Variants in HIVEP2 observed in about 807,000 individuals in gnomAD.
HIVEP2 encodes the protein transcription factor HIVEP2.
In HIVEP2, 14 loss-of-function variants were observed where a neutral mutation model predicts 180.7. That is an observed-to-expected ratio of 0.08 (90% CI 0.05 to 0.12). The LOEUF (loss-of-function observed/expected upper bound fraction) is 0.12, where lower values mean the gene tolerates loss of function less well. Ranked by LOEUF, HIVEP2 falls within the 10% of genes least tolerant of loss-of-function variation. HIVEP2 has a pLI of 1.00. For missense variants in HIVEP2, 2,579 were observed against 3,008.5 expected (o/e 0.86, Z 3.34); for synonymous variants, 1,184 against 1,136.4 (o/e 1.04, Z -0.84).
chr6:142,913,449 T>A (rs957100842), intron 1 of HIVEP2, among the ~76,000 whole-genome samples: 13 of 151,938 alleles, frequency 8.6e-5, no homozygotes, highest in African/African-American at 3.1e-4. Flanking sequence ...GATTGAAGAG[T>A]TATCACACTG....
chr6:142,872,901 T>G (rs1776329069), intron 1 of HIVEP2, among the ~76,000 whole-genome samples: 1 of 152,206 alleles, frequency 6.6e-6, no homozygotes. Flanking sequence ...CCTTTTTGAC[T>G]GATTTGACTA....
At chr6:142,829,195 T>C (rs1031658779) in intron 2 of HIVEP2, among the ~76,000 whole-genome samples, 2 of 152,212 alleles carry the variant, frequency 1.3e-5, no homozygotes, top group African/African-American at 4.8e-5. Context: ...GATGTGCTAA[T>C]TACATTCCAG....
rs536456943 is a variant in HIVEP2, at chr6:142,912,678, C to T, written c.-641+32421G>A. ...TTAGATTCTCATAGGAGCGTGAAACCGACTGTGAACCGCGCATGCGAGGGA... is the reference window on the plus strand; with the variant it reads ...TTAGATTCTCATAGGAGCGTGAAACTGACTGTGAACCGCGCATGCGAGGGA... On this transcript the variant is annotated intron_variant, in intron 1 of 9. Transcript: ENST00000367603. 6.6e-5 allele frequency among the ~76,000 whole-genome samples: 10 copies of T among 152,340 alleles called. No homozygotes were observed. In the South Asian group the frequency reaches 1.5e-3, roughly 22 times the overall value.
intron 1 of HIVEP2, among the ~76,000 whole-genome samples, chr6:142,863,171 G>T (rs187252773): frequency 1.3e-5 from 2 of 148,540 alleles, no homozygotes; most frequent in African/African-American, 4.9e-5. Context: ...GCAAGAACAG[G>T]TTCTGTTGCA....
chr6:142,762,454 A>G (rs994796412), intron 7 of HIVEP2, among the ~76,000 whole-genome samples: 1 of 21,094 alleles, frequency 4.7e-5, no homozygotes, highest in Non-Finnish European at 7.7e-5. Flanking sequence ...AGAAGAATGC[A>G]CACACACACA....
intron 2 of HIVEP2, among the ~76,000 whole-genome samples, chr6:142,804,157 C>T (rs560018056): frequency 6.6e-6 from 1 of 152,166 alleles, no homozygotes; most frequent in Non-Finnish European, 1.5e-5. Context: ...AATTTTCTCA[C>T]AGCTTAAACA....
rs139650875 is a variant in HIVEP2 at position 142,849,778 on chromosome 6, C to A, written c.-640-12731G>T. ...AAGTGATCTGATTGCCTTGGCCTCC[C>A]TAAGTGCTGGGACTACAGGTATGAG... On this transcript the variant is annotated intron_variant, in intron 1 of 9. Coordinates refer to ENST00000367603, the MANE Select transcript of HIVEP2 (RefSeq NM_006734.4). 2.0e-4 allele frequency among the ~76,000 whole-genome samples: 31 copies of A among 152,188 alleles called. 1 individual carries two copies. In the East Asian group the frequency reaches 6.0e-3, roughly 29 times the overall value.
intron 1 of HIVEP2, among the ~76,000 whole-genome samples, chr6:142,923,422 G>A (rs1215231721): frequency 6.6e-6 from 1 of 152,080 alleles, no homozygotes; most frequent in Admixed American, 6.5e-5. Context: ...AAATAAGATA[G>A]TTAATGCTAC....
At chr6:142,795,386 T>G (rs1582866955) in intron 2 of HIVEP2, among the ~76,000 whole-genome samples, 1 of 152,140 alleles carries the variant, frequency 6.6e-6, no homozygotes, top group East Asian at 1.9e-4. Flanking sequence ...TCAAGAATTC[T>G]TCATTAGCAC....
chr6:142,805,569 GAA>G (rs67351587), intron 2 of HIVEP2, among the ~76,000 whole-genome samples: 7,719 of 147,094 alleles, frequency 0.052, 276 homozygotes, highest in Middle Eastern at 0.11. Flanking sequence ...GAGTTTTACA[GAA>G]AAAAAAAAAA....
At chr6:142,891,749 A>C (rs1776866225) in intron 1 of HIVEP2, among the ~76,000 whole-genome samples, 1 of 152,226 alleles carries the variant, frequency 6.6e-6, no homozygotes, top group African/African-American at 2.4e-5. Flanking sequence ...CTTATTCTGC[A>C]ATTCAGCTAA....
chr6:142,794,891 G>T (rs958939450), intron 2 of HIVEP2, among the ~76,000 whole-genome samples: 1 of 152,172 alleles, frequency 6.6e-6, no homozygotes, highest in Non-Finnish European at 1.5e-5. Flanking sequence ...TTAAGGTAAA[G>T]CTTCAACTAT....
At chr6:142,896,061 A>C (rs1263601086) in intron 1 of HIVEP2, among the ~76,000 whole-genome samples, 3 of 152,182 alleles carry the variant, frequency 2.0e-5, no homozygotes, top group Non-Finnish European at 4.4e-5. Flanking sequence ...AGATAAGCTA[A>C]AACTTAGAAT....
chr6:142,794,471 T>C (rs1052205792), intron 2 of HIVEP2, among the ~76,000 whole-genome samples: 2 of 152,186 alleles, frequency 1.3e-5, no homozygotes, highest in Non-Finnish European at 2.9e-5. Flanking sequence ...CCTTCAACTG[T>C]ATTGATTCCA....
rs1226170582 is a variant in HIVEP2 at position 142,752,864 on chromosome 6, G to T, written c.*243C>A. 2 of 419,506 alleles carry T rather than the reference G, an allele frequency of 4.8e-6. No individual in the cohort carries two copies. Among genetic ancestry groups the T allele is most frequent in the East Asian group, 3.7e-5 (1 of 26,756 alleles). 26.0% of individuals were successfully genotyped at this position (419,506 alleles called of 1,614,324 possible). Reference sequence around the variant, plus strand: ...AGAATATAAGCAAAGTAAAGAAAAGGCACAAACATCTGTACAATTTTAAAA... The same window carrying T: ...AGAATATAAGCAAAGTAAAGAAAAGTCACAAACATCTGTACAATTTTAAAA... On this transcript the variant is annotated 3_prime_UTR_variant, in exon 10 of 10. Transcript: ENST00000367603.
At position 142,774,378 on chromosome 6, in the gene HIVEP2, C is replaced by T; in HGVS notation, c.361G>A (p.Gly121Ser). ...HSTKPHQSLEGPPWLFPGPLP... is the reference protein window; with the variant it reads ...HSTKPHQSLESPPWLFPGPLP... ...GGGCCAGGGAAAAGCCACGGAGGAC[C>T]TTCGAGGCTCTGATGTGGCTTGGTG... Residue 121 changes from glycine (G) to serine (S), a missense_variant, in exon 5 of 10, where the codon GGT (glycine) becomes AGT (serine). Gly to Ser is a moderately conservative substitution (Grantham distance 56). Around this residue, in one of 11 missense-constraint regions of HIVEP2, gnomAD observed 207 missense variants for 210.1 expected, o/e 0.99. Transcript: ENST00000367603. This position sits in a 1 kb window ranked among gnomAD's most constrained non-coding sequence, Gnocchi z 5.1. 1 of 1,614,170 alleles carries T rather than the reference C, an allele frequency of 6.2e-7. No homozygotes were observed. Among genetic ancestry groups the T allele is most frequent in the Non-Finnish European group, 8.5e-7 (1 of 1,180,044 alleles).
At chr6:142,930,002 G>A (rs1453228341) in intron 1 of HIVEP2, among the ~76,000 whole-genome samples, 3 of 152,160 alleles carry the variant, frequency 2.0e-5, no homozygotes, top group African/African-American at 4.8e-5. Flanking sequence ...ATCAAATTGA[G>A]TAATATCCTT....
chr6:142,890,198 T>C (rs1196045384), intron 1 of HIVEP2, among the ~76,000 whole-genome samples: 1 of 152,194 alleles, frequency 6.6e-6, no homozygotes, highest in Non-Finnish European at 1.5e-5. Context: ...CTAACACTAG[T>C]AGAAGGGGCT....
intron 1 of HIVEP2, among the ~76,000 whole-genome samples, chr6:142,885,228 G>A (rs1419099141): frequency 6.6e-6 from 1 of 152,082 alleles, no homozygotes; most frequent in Non-Finnish European, 1.5e-5. Context: ...TCCAGGAAAT[G>A]CACCTTTCCC....
Sources: allele counts gnomAD v4.1 joint callset (sites outside exome capture counted in the v4.1 genomes callset), GRCh38; gene constraint gnomAD v4.1.1; regional missense constraint gnomAD v4.1.1; non-coding constraint Gnocchi (gnomAD v3.1); transcripts MANE v1.5; gene names NCBI Gene and HGNC (gene_info 2026-07-23, HGNC 2026-07-21).